Variants in NUSAP1 observed in about 807,000 individuals in gnomAD.
The protein encoded by NUSAP1 is nucleolar and spindle associated protein 1, also known as nucleolar and spindle-associated protein 1.
A neutral mutation model predicts 52.8 loss-of-function variants in NUSAP1; 32 were observed. The ratio of observed to expected loss-of-function variants is 0.61; its 90% confidence interval spans 0.46 to 0.81. NUSAP1 has a LOEUF of 0.81. Among genes scored for constraint, NUSAP1 ranks in the 40% least tolerant of loss-of-function variants. The probability of loss-of-function intolerance (pLI) is 0.00; values close to 1 mark genes in which losing one functional copy is unlikely to be tolerated. For missense variants in NUSAP1, 499 were observed against 522.3 expected (o/e 0.96, Z 0.43); for synonymous variants, 195 against 183.1 (o/e 1.06, Z -0.52).
chr15:41,378,944 G>GGTTTTTTTTTTTTTTT (rs1253258207), intron 10 of NUSAP1, among the ~76,000 whole-genome samples: 4 of 63,262 alleles, frequency 6.3e-5, no homozygotes, highest in Non-Finnish European at 8.2e-5. Context: ...ACTTATCTTG[G>GGTTTTTTTTTTTTTTT]TTTTTTTTTT....
rs2048399081 is a variant in NUSAP1, at chr15:41,342,459, G to A, written c.162+5G>A. On this transcript the variant is annotated splice_donor_5th_base_variant and intron_variant, in intron 2 of 10. Coordinates refer to ENST00000559596, the MANE Select transcript of NUSAP1 (RefSeq NM_016359.5). The stretch of plus-strand genomic sequence containing the variant: ...AGAAAAGGAAATGAGAATCAGGTGA[G>A]TAATGTTTTTCATGTTTACCTGTTA... The A allele has an allele frequency of 4.4e-6, 7 of 1,573,204 alleles. No individual in the cohort carries two copies. In the Admixed American group the frequency reaches 7.5e-5, roughly 17 times the overall value.
intron 8 of NUSAP1, among the ~76,000 whole-genome samples, chr15:41,373,035 C>T (rs183823707): frequency 5.1e-4 from 77 of 151,172 alleles, no homozygotes; most frequent in African/African-American, 1.9e-3. Context: ...TGCAGTGAGC[C>T]GAGATTGTGC....
intron 4 of NUSAP1, among the ~76,000 whole-genome samples, chr15:41,351,726 G>T (rs944415089): frequency 6.6e-6 from 1 of 152,154 alleles, no homozygotes; most frequent in Admixed American, 6.5e-5. Flanking sequence ...GGTTAAGGCT[G>T]CAGTGGGCCA....
At chr15:41,347,212 A>G (rs2048609332) in intron 2 of NUSAP1, among the ~76,000 whole-genome samples, 1 of 152,212 alleles carries the variant, frequency 6.6e-6, no homozygotes, top group East Asian at 1.9e-4. Flanking sequence ...ACTAAACCTC[A>G]AGCCAAATAA....
intron 2 of NUSAP1, among the ~76,000 whole-genome samples, chr15:41,346,392 G>T (rs1415638276): frequency 6.6e-6 from 1 of 151,740 alleles, no homozygotes; most frequent in Non-Finnish European, 1.5e-5. Context: ...GCTTGCTTTT[G>T]GCTTGACCTC....
intron 1 of NUSAP1, among the ~76,000 whole-genome samples, chr15:41,334,871 T>G (rs2048061743): frequency 6.6e-6 from 1 of 152,144 alleles, no homozygotes; most frequent in Non-Finnish European, 1.5e-5. Context: ...TATATGTGAA[T>G]CAAGTATTTA....
chr15:41,350,762 A>G (rs867397206), intron 3 of NUSAP1, among the ~76,000 whole-genome samples: 1 of 152,120 alleles, frequency 6.6e-6, no homozygotes, highest in Non-Finnish European at 1.5e-5. Flanking sequence ...AACAGAGCTA[A>G]TCTTGCCATT....
At chr15:41,341,505 C>CCCTAAGA (rs1230203057) in intron 1 of NUSAP1, among the ~76,000 whole-genome samples, 2 of 152,132 alleles carry the variant, frequency 1.3e-5, no homozygotes, top group Non-Finnish European at 1.5e-5. Flanking sequence ...ACAACCATCC[C>CCCTAAGA]CCTAAGACCC....
At chr15:41,369,986 T>C (rs2049599667) in intron 7 of NUSAP1, among the ~76,000 whole-genome samples, 1 of 151,534 alleles carries the variant, frequency 6.6e-6, no homozygotes, top group South Asian at 2.1e-4. Context: ...GAAGAATTGC[T>C]TGAACCTGGG....
Position 41,351,058 on chromosome 15 carries a change from A to C in NUSAP1, c.377A>C (p.Asp126Ala). The part of the protein sequence containing the change: ...FQNHEKQESQ[D>A]LRATAKVPSP... ...AATCATGAAAAGCAGGAAAGCCAGG[A>C]TCTCAGAGCTACTGCAAAAGTTCCT... Residue 126 changes from aspartate to alanine, a missense_variant, in exon 4 of 11, where the codon GAT becomes GCT. Asp to Ala is a moderately radical substitution (Grantham distance 126). Transcript: ENST00000559596. 1 of 1,613,732 alleles carries C rather than the reference A, an allele frequency of 6.2e-7. No homozygotes were observed. The highest frequency in any genetic ancestry group is 8.5e-7 in the Non-Finnish European group (1 of 1,179,726).
Position 41,380,267 on chromosome 15 carries a change from C to G in NUSAP1, c.*81C>G. On this transcript the variant is annotated 3_prime_UTR_variant, in exon 11 of 11. Transcript: ENST00000559596. ...AATTTTTTTTTTTTGCTGTCATCCC[C>G]ACTTTAGTCACGAGATCTTTTTCTG... is the stretch of plus-strand genomic sequence containing the variant. The G allele has an allele frequency of 1.2e-6, 1 of 868,860 alleles. No individual in the cohort carries two copies. The allele number at this position is 868,860 out of a possible 1,614,324, so 53.8% of individuals were successfully genotyped here.
intron 8 of NUSAP1, 41 bp from the exon 9 acceptor site, chr15:41,375,671 G>A: frequency 8.0e-7 from 1 of 1,244,216 alleles, no homozygotes; most frequent in Non-Finnish European, 1.2e-6. Context: ...CCAGGTCTTT[G>A]TTTCTAATTA....
chr15:41,352,432 A>C (rs532650485), intron 4 of NUSAP1, among the ~76,000 whole-genome samples: 1 of 152,192 alleles, frequency 6.6e-6, no homozygotes, highest in South Asian at 2.1e-4. Flanking sequence ...CAAGCAGTTA[A>C]ATCTGGAATT....
intron 3 of NUSAP1, 119 bp downstream of exon 3, chr15:41,349,360 G>C: frequency 9.6e-7 from 1 of 1,037,804 alleles, no homozygotes; most frequent in Non-Finnish European, 1.4e-6. Flanking sequence ...ACTGTGTGCT[G>C]TAAGCTCCAT....
At chr15:41,359,236 C>T (rs1022391631) in intron 6 of NUSAP1, among the ~76,000 whole-genome samples, 1 of 152,120 alleles carries the variant, frequency 6.6e-6, no homozygotes, top group African/African-American at 2.4e-5. Flanking sequence ...TCCCAAAGTG[C>T]TGGGATTACA....
At position 41,338,944 on chromosome 15, in the gene NUSAP1, G is replaced by A. The variant is rs778805173; in HGVS notation, c.94-3442G>A. Reference sequence around the variant, plus strand: ...CACGGCACTGCACTCCACCCTGGGCGACAGAGCGAGACTCTGTCTCCAAAA... The same window carrying A: ...CACGGCACTGCACTCCACCCTGGGCAACAGAGCGAGACTCTGTCTCCAAAA... On this transcript the variant is annotated intron_variant, in intron 1 of 10. Coordinates refer to ENST00000559596, the MANE Select transcript of NUSAP1 (RefSeq NM_016359.5). Among the ~76,000 whole-genome samples, 124 of 151,792 alleles carry A rather than the reference G, an allele frequency of 8.2e-4. 1 individual carries two copies. Among genetic ancestry groups the A allele is most frequent in the Non-Finnish European group, 1.4e-3 (92 of 67,932 alleles).
chr15:41,372,075 G>C (rs1437269943), intron 8 of NUSAP1, among the ~76,000 whole-genome samples: 2 of 152,028 alleles, frequency 1.3e-5, no homozygotes, highest in East Asian at 1.9e-4. Context: ...GCCTGTATCT[G>C]TTTCCTTAAA....
chr15:41,360,259 C>T (rs1278917555), intron 6 of NUSAP1, among the ~76,000 whole-genome samples: 1 of 152,084 alleles, frequency 6.6e-6, no homozygotes, highest in East Asian at 1.9e-4. Flanking sequence ...CCACCTCAGC[C>T]TCCCAAGTAC....
chr15:41,350,139 C>T (rs924375254), intron 3 of NUSAP1, among the ~76,000 whole-genome samples: 4 of 152,090 alleles, frequency 2.6e-5, no homozygotes, highest in Admixed American at 6.6e-5. Context: ...GAGACTAATA[C>T]GGAGTACAGG....
Sources: allele counts gnomAD v4.1 joint callset (sites outside exome capture counted in the v4.1 genomes callset), GRCh38; gene constraint gnomAD v4.1.1; transcripts MANE v1.5; gene names NCBI Gene and HGNC (gene_info 2026-07-23, HGNC 2026-07-21).